The following WDFY2 variants were observed in gnomAD, a reference collection of about 807,000 sequenced individuals.
WDFY2 encodes WD repeat and FYVE domain containing 2.
WDFY2 carries 36 observed loss-of-function variants against 56.4 expected under a neutral mutation model. The ratio of observed to expected loss-of-function variants is 0.64; its 90% CI spans 0.49 to 0.84. The LOEUF is 0.84. Among genes scored for constraint, WDFY2 ranks in the 40% least tolerant of loss-of-function variants. WDFY2 has a pLI of 0.00. For missense variants in WDFY2, 444 were observed against 512.2 expected (o/e 0.87, Z 1.29); for synonymous variants, 176 against 183.7 (o/e 0.96, Z 0.34).
intron 6 of WDFY2, among the ~76,000 whole-genome samples, chr13:51,729,009 G>A (rs991441987): frequency 6.6e-6 from 1 of 152,024 alleles, no homozygotes; most frequent in Non-Finnish European, 1.5e-5. Flanking sequence ...ATTCTAGCCC[G>A]CGGTCCTTCC....
chr13:51,592,832 A>G (rs1305782916), intron 1 of WDFY2, among the ~76,000 whole-genome samples: 1 of 152,188 alleles, frequency 6.6e-6, no homozygotes, highest in African/African-American at 2.4e-5. Flanking sequence ...TTAAATAAAG[A>G]TAATATAGGC....
chr13:51,624,274 T>A (rs1481949274), intron 1 of WDFY2, among the ~76,000 whole-genome samples: 1 of 152,244 alleles, frequency 6.6e-6, no homozygotes, highest in East Asian at 1.9e-4. Flanking sequence ...TATAGTTAAA[T>A]AATCAGTTTA....
intron 3 of WDFY2, among the ~76,000 whole-genome samples, chr13:51,696,281 G>A (rs1951874662): frequency 6.6e-6 from 1 of 152,172 alleles, no homozygotes; most frequent in Admixed American, 6.5e-5. Context: ...CTGACGCTGG[G>A]AGCTGTAGAC....
chr13:51,660,658 T>C lies in WDFY2; in HGVS notation c.200T>C (p.Met67Thr). 5 of 1,613,774 alleles carry C rather than the reference T, an allele frequency of 3.1e-6. No individual in the cohort carries two copies. The highest frequency in any genetic ancestry group is 4.2e-6 in the Non-Finnish European group (5 of 1,179,762). The stretch of plus-strand genomic sequence containing the variant: ...TATTGGCCAAGCGTATACCATGCAA[T>C]GCCTTGTAAGTATCCAAATCGCTGT... Reference protein sequence around the residue: ...GQYWPSVYHAMPSPCSCMSFN... With the variant: ...GQYWPSVYHATPSPCSCMSFN... The change falls in exon 2 of 12, where the codon ATG (methionine) becomes ACG (threonine). Residue 67 changes from methionine to threonine, a missense_variant. Physicochemically the swap from Met to Thr is moderately conservative, Grantham distance 81 (BLOSUM62 -1). Coordinates refer to ENST00000298125, the MANE Select transcript of WDFY2 (RefSeq NM_052950.4).
intron 1 of WDFY2, among the ~76,000 whole-genome samples, chr13:51,614,212 T>C (rs1346326842): frequency 7.0e-6 from 1 of 142,434 alleles, no homozygotes; most frequent in East Asian, 2.1e-4. Context: ...AAAAAAAAAG[T>C]GTATCTGTGA....
At chr13:51,689,845 C>G (rs1956122187) in intron 3 of WDFY2, among the ~76,000 whole-genome samples, 1 of 152,130 alleles carries the variant, frequency 6.6e-6, no homozygotes. Context: ...AGCCTAACAT[C>G]AAGTCAGTCA....
At chr13:51,662,059 C>T (rs774851908) in intron 2 of WDFY2, among the ~76,000 whole-genome samples, 2 of 152,106 alleles carry the variant, frequency 1.3e-5, no homozygotes, top group Admixed American at 1.3e-4. Context: ...CAACCTCCAC[C>T]TCCCGGGTTC....
intron 4 of WDFY2, among the ~76,000 whole-genome samples, chr13:51,707,458 C>T (rs1208419431): frequency 6.6e-6 from 1 of 152,172 alleles, no homozygotes; most frequent in Non-Finnish European, 1.5e-5. Flanking sequence ...TGTGCCAGCA[C>T]ATTTTTAAAG....
chr13:51,646,077 G>A (rs1174934890), intron 1 of WDFY2, among the ~76,000 whole-genome samples: 3 of 152,114 alleles, frequency 2.0e-5, no homozygotes, highest in Non-Finnish European at 4.4e-5. Flanking sequence ...TCTCTTCTAG[G>A]CCTTCATCCT....
chr13:51,661,917 A>G (rs1955621562), intron 2 of WDFY2, among the ~76,000 whole-genome samples: 1 of 152,242 alleles, frequency 6.6e-6, no homozygotes, highest in East Asian at 1.9e-4. Context: ...GGTTTAGATA[A>G]ATGGAAAAGT....
intron 1 of WDFY2, among the ~76,000 whole-genome samples, chr13:51,612,269 T>C (rs888402737): frequency 1.3e-5 from 2 of 152,126 alleles, no homozygotes; most frequent in Non-Finnish European, 2.9e-5. Flanking sequence ...CCTGCCTCCC[T>C]GTTTAGGAGG....
chr13:51,746,110 G>A (rs1414827796), intron 7 of WDFY2, among the ~76,000 whole-genome samples: 1 of 151,270 alleles, frequency 6.6e-6, no homozygotes, highest in African/African-American at 2.4e-5. Context: ...CAAGTAGCTG[G>A]GATTACATGG....
rs760271321 is a variant in WDFY2, at chr13:51,610,254, TGGG to T, written c.137+25434_137+25436del. Among the ~76,000 whole-genome samples, 158 of 140,040 alleles carry T rather than the reference TGGG, an allele frequency of 1.1e-3. 1 individual carries two copies. The highest frequency in any genetic ancestry group is 2.6e-3 in the African/African-American group (103 of 38,946). The allele number at this position is 140,040 out of a possible 152,430, so 91.9% of individuals were successfully genotyped here. A position where few individuals can be genotyped will look rare whatever the true frequency, so the allele number is the denominator to read the frequency against. On this transcript the variant is annotated intron_variant, in intron 1 of 11. Coordinates refer to ENST00000298125, the MANE Select transcript of WDFY2 (RefSeq NM_052950.4). ...CTTATTTGACTGTTTTTTTTTTTTT[TGGG>T]GGGCTAAAAGCCCACCATCTATCCC...
intron 1 of WDFY2, among the ~76,000 whole-genome samples, chr13:51,629,809 TTTTC>T: frequency 7.4e-6 from 1 of 134,962 alleles, no homozygotes; most frequent in African/African-American, 2.7e-5. Flanking sequence ...TTTTTTTTTC[TTTTC>T]TTTCTTTCTT....
chr13:51,666,546 G>C (rs531741284), intron 2 of WDFY2, among the ~76,000 whole-genome samples: 22 of 152,222 alleles, frequency 1.4e-4, no homozygotes, highest in Middle Eastern at 3.4e-3. Flanking sequence ...AGTCTCTTCT[G>C]TTTATTCCAG....
chr13:51,739,158 C>T lies in WDFY2; in HGVS notation c.708C>T (p.Ile236=), dbSNP rs375141751. The change falls in exon 7 of 12, where the codon ATC becomes ATT. Residue 236 remains isoleucine (I), a synonymous_variant. Coordinates refer to ENST00000298125, the MANE Select transcript of WDFY2 (RefSeq NM_052950.4). Reference sequence around the variant, plus strand: ...TCGGTGGGAGAAAAGGAACAGCCATCGAGCTCCAAGGACACAAGTAAGGTT... The same window carrying T: ...TCGGTGGGAGAAAAGGAACAGCCATTGAGCTCCAAGGACACAAGTAAGGTT... The part of the protein sequence containing the change: ...WDIGGRKGTA[I]ELQGHNDRVQ... The T allele has an allele frequency of 9.4e-6, 15 of 1,591,176 alleles. No individual in the cohort carries two copies. Among genetic ancestry groups the T allele is most frequent in the African/African-American group, 2.7e-5 (2 of 73,986 alleles).
intron 4 of WDFY2, among the ~76,000 whole-genome samples, chr13:51,705,288 C>G (rs1387551583): frequency 6.6e-6 from 1 of 152,200 alleles, no homozygotes; most frequent in African/African-American, 2.4e-5. Flanking sequence ...TGATTCCATC[C>G]TGTGAGAGAC....
At chr13:51,676,339 GA>G (rs1335847027) in intron 3 of WDFY2, among the ~76,000 whole-genome samples, 1 of 152,202 alleles carries the variant, frequency 6.6e-6, no homozygotes, top group African/African-American at 2.4e-5. Flanking sequence ...AATAGAAAGA[GA>G]AGGGGAGTGG....
At chr13:51,690,626 T>C (rs2138542765) in intron 3 of WDFY2, among the ~76,000 whole-genome samples, 1 of 152,238 alleles carries the variant, frequency 6.6e-6, no homozygotes, top group Non-Finnish European at 1.5e-5. Context: ...TCCAAGTCTT[T>C]GCTGTCGTGA....
Sources: allele counts gnomAD v4.1 joint callset (sites outside exome capture counted in the v4.1 genomes callset), GRCh38; gene constraint gnomAD v4.1.1; transcripts MANE v1.5; gene names NCBI Gene and HGNC (gene_info 2026-07-23, HGNC 2026-07-21).